Variants in TSHZ1 observed in about 807,000 individuals in gnomAD.
TSHZ1 encodes teashirt homolog 1.
Under a neutral mutation model 67.1 loss-of-function variants are expected in TSHZ1, and 12 were observed. The ratio of observed to expected loss-of-function variants is 0.18; its 90% CI spans 0.11 to 0.29. TSHZ1 has a LOEUF of 0.29. Among genes scored for constraint, TSHZ1 ranks in the 10% least tolerant of loss-of-function variants. The pLI is 1.00. For synonymous variants in TSHZ1, 632 were observed against 622.4 expected (o/e 1.02, Z -0.23); for missense variants, 1,305 against 1,413.9 (o/e 0.92, Z 1.23).
intron 1 of TSHZ1, among the ~76,000 whole-genome samples, chr18:75,212,516 C>T (rs1404664400): frequency 3.3e-5 from 5 of 152,156 alleles, no homozygotes; most frequent in Non-Finnish European, 1.5e-5. Flanking sequence ...GGAGGAGGAA[C>T]TGGCAGGAGC....
chr18:75,230,088 CA>C (rs1390236501), intron 1 of TSHZ1, among the ~76,000 whole-genome samples: 1 of 152,172 alleles, frequency 6.6e-6, no homozygotes, highest in Non-Finnish European at 1.5e-5. Context: ...CTTTTAGGAA[CA>C]TATGACATGT....
rs2023806137 is a variant in TSHZ1, at chr18:75,288,037, A to G, written c.2630A>G (p.Asp877Gly). 3.1e-6 allele frequency: 5 copies of G among 1,613,888 alleles called. No individual in the cohort carries two copies. The highest frequency in any genetic ancestry group is 4.2e-6 in the Non-Finnish European group (5 of 1,180,026). The change falls in exon 2 of 2, where the codon GAC becomes GGC. Residue 877 changes from aspartate to glycine, a missense_variant. Around this residue, in one of 3 missense-constraint regions of TSHZ1, gnomAD observed 909 missense variants for 961.8 expected, o/e 0.95. Transcript: ENST00000580243. This position sits in a 1 kb window ranked among gnomAD's most constrained non-coding sequence, Gnocchi z 4.9. Reference sequence around the variant, plus strand: ...GGCAGCAGCTTTGAGGAGGCGTTGGACGAGCTGTCACCGGTCCACAAGAGG... The same window carrying G: ...GGCAGCAGCTTTGAGGAGGCGTTGGGCGAGCTGTCACCGGTCCACAAGAGG... ...ADGSSFEEAL[D>G]ELSPVHKRKG...
chr18:75,255,550 T>C lies in TSHZ1; in HGVS notation c.41-29898T>C, dbSNP rs1252714244. Among the ~76,000 whole-genome samples, 3 of 152,236 alleles carry C rather than the reference T, an allele frequency of 2.0e-5. No homozygotes were observed. In the East Asian group the frequency reaches 5.8e-4, roughly 29 times the overall value. On this transcript the variant is annotated intron_variant, in intron 1 of 1. Transcript: ENST00000580243. ...AACTGTAACTCTTTGATTTTATATG[T>C]GATACAATATCTAATAATACTCCCA...
intron 1 of TSHZ1, among the ~76,000 whole-genome samples, chr18:75,276,799 G>A (rs1272885837): frequency 1.3e-5 from 2 of 152,206 alleles, no homozygotes; most frequent in South Asian, 2.1e-4. Flanking sequence ...GTGAAATTTG[G>A]TATTTACTGT....
chr18:75,226,229 T>G (rs1462027350), intron 1 of TSHZ1, among the ~76,000 whole-genome samples: 1 of 152,258 alleles, frequency 6.6e-6, no homozygotes, highest in Non-Finnish European at 1.5e-5. Flanking sequence ...TGTTTAATTT[T>G]CCTCACACAG....
In TSHZ1 at chr18:75,281,511, AG is replaced by A. The variant is rs2023684513; in HGVS notation, c.41-3936del. On this transcript the variant is annotated intron_variant, in intron 1 of 1. Transcript: ENST00000580243. This position sits in a 1 kb window ranked among gnomAD's most constrained non-coding sequence, Gnocchi z 5.3. ...GCCCTACATGGGGCCAGGCCCTGAA[AG>A]CACCATGGGGGTGGCATGACAGGCG... 2.0e-5 allele frequency among the ~76,000 whole-genome samples: 3 copies of A among 152,238 alleles called. No homozygotes were observed. The South Asian group carries it at 6.2e-4, about 32-fold the overall frequency.
At chr18:75,263,096 C>T (rs544449512) in intron 1 of TSHZ1, among the ~76,000 whole-genome samples, 1 of 152,196 alleles carries the variant, frequency 6.6e-6, no homozygotes, top group South Asian at 2.1e-4. Flanking sequence ...ATGTGTTGTG[C>T]GTCAGGAAGC....
chr18:75,259,907 T>G (rs1380905175), intron 1 of TSHZ1, among the ~76,000 whole-genome samples: 1 of 152,164 alleles, frequency 6.6e-6, no homozygotes, highest in Non-Finnish European at 1.5e-5. Flanking sequence ...GTACTTTTAA[T>G]TGCCAGATTG....
intron 1 of TSHZ1, among the ~76,000 whole-genome samples, chr18:75,229,614 G>T (rs2122532045): frequency 6.6e-6 from 1 of 152,364 alleles, no homozygotes; most frequent in South Asian, 2.1e-4. Context: ...CCTTGGGGAA[G>T]CCCTGGCTCT....
chr18:75,227,631 G>C (rs1272137310), intron 1 of TSHZ1, among the ~76,000 whole-genome samples: 2 of 152,348 alleles, frequency 1.3e-5, no homozygotes, highest in South Asian at 4.1e-4. Context: ...TGTGAGAAAA[G>C]TTATTGTTTC....
At chr18:75,235,793 C>A (rs561204553) in intron 1 of TSHZ1, among the ~76,000 whole-genome samples, 64 of 152,276 alleles carry the variant, frequency 4.2e-4, no homozygotes, top group African/African-American at 1.5e-3. Context: ...TCATCTCAGC[C>A]GTCTCCTCCT....
intron 1 of TSHZ1, among the ~76,000 whole-genome samples, chr18:75,223,680 C>A (rs2122522750): frequency 6.6e-6 from 1 of 152,006 alleles, no homozygotes; most frequent in South Asian, 2.1e-4. Context: ...GCTAGGCATC[C>A]TTTTCCCACC....
intron 1 of TSHZ1, among the ~76,000 whole-genome samples, chr18:75,241,009 G>A (rs1423958096): frequency 6.6e-6 from 1 of 152,194 alleles, no homozygotes; most frequent in East Asian, 1.9e-4. Context: ...TCCTGCTGGG[G>A]TACCTGCACC....
At chr18:75,283,410 C>A (rs1456553219) in intron 1 of TSHZ1, 7 of 152,258 alleles carry the variant, frequency 4.6e-5, no homozygotes, top group African/African-American at 1.7e-4. Context: ...TGGCAATTAT[C>A]TTTTAATTTT....
chr18:75,210,901 G>GGC lies in TSHZ1; in HGVS notation c.-975_-974insCG, dbSNP rs2022669452. 1 of 151,134 alleles carries GGC rather than the reference G, an allele frequency of 6.6e-6. No homozygotes were observed. The highest frequency in any genetic ancestry group is 1.5e-5 in the Non-Finnish European group (1 of 67,820). 9.4% of individuals were successfully genotyped at this position (151,134 alleles called of 1,614,324 possible). A position where few individuals can be genotyped will look rare whatever the true frequency, so the allele number is the denominator to read the frequency against. On this transcript the variant is annotated 5_prime_UTR_variant, in exon 1 of 2. Transcript: ENST00000580243. ...CCCTCTCTCCCAGGAGTTTGAGGGG[G>GGC]GGGGGGACAGTCCACGCTCATCTCG...
At position 75,288,112 on chromosome 18, in the gene TSHZ1, C is replaced by G. The variant is rs748347751; in HGVS notation, c.2705C>G (p.Ala902Gly). Residue 902 changes from alanine (A) to glycine (G), a missense_variant, in exon 2 of 2, where the codon GCC becomes GGC. Transcript: ENST00000580243. This position sits in a 1 kb window ranked among gnomAD's most constrained non-coding sequence, Gnocchi z 4.9. ...WNPQHLLILQAQFASSLRETT... is the reference protein window; with the variant it reads ...WNPQHLLILQGQFASSLRETT... ...CCGCAGCACCTTCTCATCCTGCAGG[C>G]CCAGTTCGCCTCGAGCTTGCGGGAG... The G allele has an allele frequency of 1.9e-6, 3 of 1,613,654 alleles. No homozygotes were observed. The South Asian group carries it at 3.3e-5, about 18-fold the overall frequency.
chr18:75,289,731 A>G lies in TSHZ1; in HGVS notation c.*1090A>G, dbSNP rs1057289700. 1.2e-5 allele frequency: 2 copies of G among 167,108 alleles called. No homozygotes were observed. Among genetic ancestry groups the G allele is most frequent in the African/African-American group, 2.4e-5 (1 of 41,454 alleles). The allele number at this position is 167,108 out of a possible 1,614,324, so 10.4% of individuals were successfully genotyped here. On this transcript the variant is annotated 3_prime_UTR_variant, in exon 2 of 2. Transcript: ENST00000580243. ...TTAGTTCCTGCAGCTTGATTTAAATAGAGGACTTTTACTGGCACCTGCATC... is the reference window on the plus strand; with the variant it reads ...TTAGTTCCTGCAGCTTGATTTAAATGGAGGACTTTTACTGGCACCTGCATC...
rs118015768 is a variant in TSHZ1 at position 75,267,452 on chromosome 18, G to A, written c.41-17996G>A. Among the ~76,000 whole-genome samples, 1,506 of 152,316 alleles carry A rather than the reference G, an allele frequency of 9.9e-3. 9 individuals are homozygous for A. The highest frequency in any genetic ancestry group is 0.015 in the Non-Finnish European group (1,009 of 68,032). ...ATGGGATTCAAGGAGATGGAACGCT[G>A]CTCATTGCTTCCAGAGCGTAAACAG... On this transcript the variant is annotated intron_variant, in intron 1 of 1. Coordinates refer to ENST00000580243, the MANE Select transcript of TSHZ1 (RefSeq NM_001308210.2).
chr18:75,284,082 G>C (rs1304718009), intron 1 of TSHZ1: 1 of 152,670 alleles, frequency 6.6e-6, no homozygotes, highest in African/African-American at 2.4e-5. Context: ...CCAGCTAGTT[G>C]TTGCCTCGAG....
Sources: gnomAD v4.1 joint callset for allele counts (sites outside exome capture counted in the v4.1 genomes callset) on GRCh38, gnomAD v4.1.1 for gene constraint, gnomAD v4.1.1 regional missense constraint, Gnocchi (gnomAD v3.1) non-coding constraint, MANE v1.5 for transcripts, NCBI Gene and HGNC (gene_info 2026-07-23, HGNC 2026-07-21) for gene names.